The following PCSK6 variants were observed in gnomAD, a reference collection of about 807,000 sequenced individuals.
The protein encoded by PCSK6 is proprotein convertase subtilisin/kexin type 6, also known as paired basic amino acid cleaving enzyme 4.
In PCSK6, 85 loss-of-function variants were observed where a neutral mutation model predicts 123.3. The observed-to-expected ratio is 0.69, with a 90% CI of 0.58 to 0.83. The LOEUF (loss-of-function observed/expected upper bound fraction) is 0.83. Among genes scored for constraint, PCSK6 ranks in the 40% least tolerant of loss-of-function variants. The probability of loss-of-function intolerance (pLI) is 0.00; values close to 1 mark genes in which losing one functional copy is unlikely to be tolerated. For missense variants in PCSK6, 1,191 were observed against 1,282.3 expected, an observed-to-expected ratio of 0.93 and a Z score of 1.09; for synonymous variants, 508 against 516.0, an observed-to-expected ratio of 0.98 and a Z score of 0.21.
intron 11 of PCSK6, among the ~76,000 whole-genome samples, chr15:101,378,100 C>T (rs758788109): frequency 6.6e-6 from 1 of 152,192 alleles, no homozygotes; most frequent in Non-Finnish European, 1.5e-5. Context: ...AGCTGGGCCT[C>T]TATTTCATTC....
chr15:101,489,610 T>TGGCGGC lies in PCSK6; in HGVS notation c.55_60dup (p.Ala19_Ala20dup), dbSNP rs2058126061. On this transcript the variant is annotated inframe_insertion, in exon 1 of 22. Transcript: ENST00000611716. ...CCCCCCGCGCCCGCGGCGGTGTCGG[T>TGGCGGC]GGCGGCGGCGGCCCGGGGCGGCGGC... 1 of 960,778 alleles carries TGGCGGC rather than the reference T, an allele frequency of 1.0e-6. No individual in the cohort carries two copies. The highest frequency in any genetic ancestry group is 1.2e-6 in the Non-Finnish European group (1 of 817,816). 59.5% of individuals were successfully genotyped at this position (960,778 alleles called of 1,614,324 possible).
chr15:101,442,746 C>T (rs1207849699), intron 2 of PCSK6, among the ~76,000 whole-genome samples: 3 of 152,198 alleles, frequency 2.0e-5, no homozygotes, highest in Non-Finnish European at 1.5e-5. Flanking sequence ...CTATGATTTA[C>T]CAATGACCTC....
chr15:101,389,559 G>C lies in PCSK6; in HGVS notation c.1215C>G (p.Thr405=). 6.2e-7 allele frequency: 1 copy of C among 1,610,724 alleles called. No homozygotes were observed. Among genetic ancestry groups the C allele is most frequent in the African/African-American group, 1.3e-5 (1 of 74,946 alleles). The change falls in exon 9 of 22, where the codon ACC becomes ACG. Residue 405 remains threonine, a synonymous_variant. Transcript: ENST00000611716. ...CGGTACAGCGCTGACGCAGATCCGTGGTGACCTGGGGGAGAGAGAAGCACA... is the reference window on the plus strand; with the variant it reads ...CGGTACAGCGCTGACGCAGATCCGTCGTGACCTGGGGGAGAGAGAAGCACA... ...SGAFYERKIV[T]TDLRQRCTDG... is the part of the protein sequence containing the mutation.
intron 1 of PCSK6, among the ~76,000 whole-genome samples, chr15:101,470,177 G>A (rs11858635): frequency 0.2 from 29,743 of 152,054 alleles, 3,106 homozygotes; most frequent in African/African-American, 0.25. Flanking sequence ...AATTATGCCT[G>A]TTCACATATT....
intron 1 of PCSK6, among the ~76,000 whole-genome samples, chr15:101,474,831 C>A (rs945765199): frequency 9.2e-5 from 14 of 152,210 alleles, no homozygotes; most frequent in Non-Finnish European, 1.9e-4. Flanking sequence ...CCCACCACTG[C>A]CTACCCAGTC....
At chr15:101,475,476 CACTTA>C (rs2141247817) in intron 1 of PCSK6, among the ~76,000 whole-genome samples, 1 of 152,108 alleles carries the variant, frequency 6.6e-6, no homozygotes, top group Admixed American at 6.5e-5. Context: ...AATAAAGAGA[CACTTA>C]ACTTTATTTA....
chr15:101,420,543 T>C (rs2056051654), intron 6 of PCSK6, among the ~76,000 whole-genome samples: 1 of 152,244 alleles, frequency 6.6e-6, no homozygotes, highest in African/African-American at 2.4e-5. Context: ...TCAAAATTTT[T>C]TGTAGAGACA....
At chr15:101,379,886 G>A (rs528467593) in intron 11 of PCSK6, among the ~76,000 whole-genome samples, 20 of 152,312 alleles carry the variant, frequency 1.3e-4, no homozygotes, top group African/African-American at 4.1e-4. Context: ...TGCCAGGAGG[G>A]GAGACCCACA....
chr15:101,307,659 A>G, intron 20 of PCSK6: 1 of 274,008 alleles, frequency 3.6e-6, no homozygotes, highest in Non-Finnish European at 7.2e-6. Flanking sequence ...ACCCCACCAC[A>G]CGGCTCCCAG....
chr15:101,383,113 A>G (rs1003288397), intron 10 of PCSK6, among the ~76,000 whole-genome samples: 1 of 152,210 alleles, frequency 6.6e-6, no homozygotes, highest in Non-Finnish European at 1.5e-5. Context: ...ACCTGATAAG[A>G]AGTCAGGCAA....
chr15:101,472,369 G>A (rs2057627889), intron 1 of PCSK6, among the ~76,000 whole-genome samples: 1 of 152,270 alleles, frequency 6.6e-6, no homozygotes, highest in Admixed American at 6.5e-5. Flanking sequence ...TTCCGGCTCT[G>A]TCCAGTGTTT....
At chr15:101,309,842 C>A (rs1226209635) in intron 20 of PCSK6, among the ~76,000 whole-genome samples, 3 of 152,176 alleles carry the variant, frequency 2.0e-5, no homozygotes, top group South Asian at 4.1e-4. Context: ...TCCGGCCCCT[C>A]TCTTAGGGAA....
chr15:101,329,979 G>C (rs1215239023), intron 15 of PCSK6, among the ~76,000 whole-genome samples: 1 of 152,228 alleles, frequency 6.6e-6, no homozygotes, highest in African/African-American at 2.4e-5. Context: ...TCCCACACCT[G>C]CTGAATCCCA....
chr15:101,347,318 T>C (rs887897671), intron 13 of PCSK6: 13 of 1,234,348 alleles, frequency 1.1e-5, no homozygotes, highest in Non-Finnish European at 1.3e-5. Flanking sequence ...CAGATCAAGA[T>C]GGCTAGCAAT....
At chr15:101,307,413 C>T in intron 20 of PCSK6, 88 bp from the exon 21 acceptor site, 1 of 867,682 alleles carries the variant, frequency 1.2e-6, no homozygotes, top group Non-Finnish European at 1.9e-6. Flanking sequence ...CTCCCTGCAC[C>T]TCCTTCCCAC....
At chr15:101,411,013 G>A (rs548052452) in intron 6 of PCSK6, among the ~76,000 whole-genome samples, 3 of 152,210 alleles carry the variant, frequency 2.0e-5, no homozygotes, top group African/African-American at 4.8e-5. Context: ...GACTGAGCAC[G>A]CAGCCTACCT....
At chr15:101,407,758 T>C (rs919400746) in intron 6 of PCSK6, among the ~76,000 whole-genome samples, 5 of 152,248 alleles carry the variant, frequency 3.3e-5, no homozygotes, top group Admixed American at 6.5e-5. Flanking sequence ...TGCTTCTCTG[T>C]GTGGCCCCAC....
chr15:101,343,907 G>A (rs760246275), intron 13 of PCSK6, among the ~76,000 whole-genome samples: 14 of 152,266 alleles, frequency 9.2e-5, no homozygotes, highest in Admixed American at 3.3e-4. Context: ...GGCCAACACG[G>A]TGAAACCCTG....
intron 12 of PCSK6, among the ~76,000 whole-genome samples, chr15:101,368,250 G>A (rs527768630): frequency 6.6e-6 from 1 of 152,324 alleles, no homozygotes; most frequent in Admixed American, 6.5e-5. Context: ...GAGGAGGAAA[G>A]TTTCCAGGGA....
Sources: allele counts gnomAD v4.1 joint callset (sites outside exome capture counted in the v4.1 genomes callset), GRCh38; gene constraint gnomAD v4.1.1; transcripts MANE v1.5; gene names NCBI Gene and HGNC (gene_info 2026-07-23, HGNC 2026-07-21).